Variants in NKAIN3 observed in about 807,000 individuals in gnomAD.
NKAIN3 encodes the protein sodium/potassium-transporting ATPase subunit beta-1-interacting protein 3.
In NKAIN3, 25 loss-of-function variants were observed where a neutral mutation model predicts 30.2. The observed-to-expected ratio is 0.83, with a 90% CI of 0.60 to 1.16. NKAIN3 has a LOEUF of 1.16. NKAIN3 is among the 50% of genes most tolerant of loss of function. NKAIN3 has a pLI of 0.00. For synonymous variants in NKAIN3, 91 were observed against 89.6 expected, an observed-to-expected ratio of 1.02 and a Z score of -0.09; for missense variants, 225 against 254.1, an observed-to-expected ratio of 0.89 and a Z score of 0.78.
chr8:62,279,260 T>G (rs1813085697), intron 1 of NKAIN3, among the ~76,000 whole-genome samples: 1 of 152,218 alleles, frequency 6.6e-6, no homozygotes, highest in Non-Finnish European at 1.5e-5. Flanking sequence ...TCTTTGTAGA[T>G]TCTGGATATT....
intron 1 of NKAIN3, among the ~76,000 whole-genome samples, chr8:62,263,849 AT>A (rs1812524270): frequency 6.6e-6 from 1 of 152,210 alleles, no homozygotes; most frequent in African/African-American, 2.4e-5. Flanking sequence ...CATATTACGT[AT>A]TTATATATGA....
intron 5 of NKAIN3, among the ~76,000 whole-genome samples, chr8:62,951,385 A>G (rs1823280742): frequency 6.6e-6 from 1 of 152,234 alleles, no homozygotes; most frequent in Admixed American, 6.5e-5. Context: ...CACCAATTAA[A>G]TTATTTAAAT....
chr8:62,271,941 A>G (rs1434252238), intron 1 of NKAIN3, among the ~76,000 whole-genome samples: 3 of 152,194 alleles, frequency 2.0e-5, no homozygotes, highest in East Asian at 3.9e-4. Context: ...TGTGCTATTT[A>G]CGTAGCTCAG....
chr8:62,751,209 C>G (rs1816272544), intron 4 of NKAIN3, among the ~76,000 whole-genome samples: 1 of 152,174 alleles, frequency 6.6e-6, no homozygotes, highest in African/African-American at 2.4e-5. Context: ...GGTTCTCCCC[C>G]AAGTCCCTTC....
chr8:62,315,128 A>G (rs1265854767), intron 1 of NKAIN3, among the ~76,000 whole-genome samples: 1 of 152,206 alleles, frequency 6.6e-6, no homozygotes, highest in Non-Finnish European at 1.5e-5. Context: ...AAGGATAGCA[A>G]ATCCATTTTA....
intron 1 of NKAIN3, among the ~76,000 whole-genome samples, chr8:62,480,610 A>G (rs1025222148): frequency 6.6e-6 from 1 of 152,052 alleles, no homozygotes; most frequent in Non-Finnish European, 1.5e-5. Context: ...CCCGACCAAG[A>G]CATTTTCAAA....
intron 1 of NKAIN3, among the ~76,000 whole-genome samples, chr8:62,260,155 AAGTTT>A (rs1295395336): frequency 7.9e-5 from 12 of 152,076 alleles, no homozygotes; most frequent in African/African-American, 2.7e-4. Flanking sequence ...ATATTTCTGA[AAGTTT>A]CTATTCCAGT....
At chr8:62,603,178 T>A (rs959412357) in intron 3 of NKAIN3, among the ~76,000 whole-genome samples, 3 of 152,148 alleles carry the variant, frequency 2.0e-5, no homozygotes, top group Non-Finnish European at 4.4e-5. Context: ...TTGATTTGCT[T>A]CGAATGCAAA....
At chr8:62,893,026 T>C (rs558723353) in intron 4 of NKAIN3, among the ~76,000 whole-genome samples, 12 of 152,278 alleles carry the variant, frequency 7.9e-5, no homozygotes, top group Admixed American at 7.2e-4. Flanking sequence ...AAATAAATTG[T>C]ATAATTTTTT....
chr8:62,398,952 G>A (rs147300095), intron 1 of NKAIN3, among the ~76,000 whole-genome samples: 4,056 of 152,206 alleles, frequency 0.027, 184 homozygotes, highest in African/African-American at 0.092. Context: ...TTAGCTGGGC[G>A]TGGTGGCACA....
chr8:62,844,960 G>A (rs895506279), intron 4 of NKAIN3, among the ~76,000 whole-genome samples: 3 of 151,866 alleles, frequency 2.0e-5, no homozygotes, highest in Non-Finnish European at 4.4e-5. Flanking sequence ...GCACCCTCCC[G>A]TTCACTTACC....
chr8:62,518,351 C>CA (rs1808057160), intron 1 of NKAIN3, among the ~76,000 whole-genome samples: 1 of 152,044 alleles, frequency 6.6e-6, no homozygotes, highest in African/African-American at 2.4e-5. Flanking sequence ...AATTCCATCT[C>CA]AAAAAACAAA....
In NKAIN3 at chr8:62,969,636, G is replaced by T. The variant is rs187552887; in HGVS notation, c.*4229G>T. On this transcript the variant is annotated 3_prime_UTR_variant, in exon 7 of 7. Coordinates refer to ENST00000623646, the MANE Select transcript of NKAIN3 (RefSeq NM_001304533.3). ...AACTTGACATTTTTGCCCAAGATAC[G>T]TTCTTTCCAGGTATAGCTGAATTAA... 6.6e-6 allele frequency among the ~76,000 whole-genome samples: 1 copy of T among 152,096 alleles called. No individual in the cohort carries two copies. Among genetic ancestry groups the T allele is most frequent in the Admixed American group, 6.6e-5 (1 of 15,266 alleles).
intron 4 of NKAIN3, among the ~76,000 whole-genome samples, chr8:62,865,665 T>C (rs2130793844): frequency 6.6e-6 from 1 of 152,326 alleles, no homozygotes; most frequent in South Asian, 2.1e-4. Flanking sequence ...GAAAAATAAA[T>C]TTTAGCTGAG....
chr8:62,295,123 G>C (rs1244793952), intron 1 of NKAIN3, among the ~76,000 whole-genome samples: 1 of 152,052 alleles, frequency 6.6e-6, no homozygotes, highest in Non-Finnish European at 1.5e-5. Context: ...ACCTTAAATA[G>C]AATAGTTTCT....
intron 1 of NKAIN3, among the ~76,000 whole-genome samples, chr8:62,528,344 T>TA (rs34837388): frequency 0.66 from 76,087 of 115,136 alleles, 22,718 homozygotes; most frequent in Non-Finnish European, 0.69. Context: ...TTATATAATA[T>TA]ATATATATAT....
In NKAIN3 at chr8:62,534,876, G is replaced by A. The variant is rs117218012; in HGVS notation, c.55-44663G>A. Among the ~76,000 whole-genome samples the A allele has an allele frequency of 8.5e-3, 424 of 50,142 alleles. 1 individual carries two copies. Among genetic ancestry groups the A allele is most frequent in the African/African-American group, 0.02 (351 of 17,584 alleles). 32.9% of individuals were successfully genotyped at this position (50,142 alleles called of 152,430 possible). A position where few individuals can be genotyped will look rare whatever the true frequency, so the allele number is the denominator to read the frequency against. The stretch of plus-strand genomic sequence containing the variant: ...GCATTTATTGGTTTTTTTTTTTTTC[G>A]TATAGTTTCTGATTTTCTGAAAGCT... On this transcript the variant is annotated intron_variant, in intron 1 of 6. Coordinates refer to ENST00000623646, the MANE Select transcript of NKAIN3 (RefSeq NM_001304533.3).
chr8:62,757,957 C>T (rs1009950790), intron 4 of NKAIN3, among the ~76,000 whole-genome samples: 4 of 152,126 alleles, frequency 2.6e-5, no homozygotes, highest in African/African-American at 9.7e-5. Flanking sequence ...TTCTGAATGG[C>T]ATGTGCAGGG....
intron 1 of NKAIN3, among the ~76,000 whole-genome samples, chr8:62,345,678 A>G (rs1815981112): frequency 6.7e-6 from 1 of 149,982 alleles, no homozygotes; most frequent in Non-Finnish European, 1.5e-5. Flanking sequence ...CCTGGAATAT[A>G]TATACCAGAC....
Sources: allele counts gnomAD v4.1 joint callset (sites outside exome capture counted in the v4.1 genomes callset), GRCh38; gene constraint gnomAD v4.1.1; transcripts MANE v1.5; gene names NCBI Gene and HGNC (gene_info 2026-07-23, HGNC 2026-07-21).